Variants in THSD7B observed in about 807,000 individuals in gnomAD.
THSD7B encodes thrombospondin type 1 domain containing 7B.
THSD7B carries 138 observed loss-of-function variants against 213.6 expected under a neutral mutation model. The observed-to-expected ratio is 0.65, with a 90% confidence interval of 0.56 to 0.74. The LOEUF (loss-of-function observed/expected upper bound fraction) is 0.74, where lower values mean the gene tolerates loss of function less well. THSD7B is among the 30% of genes least tolerant of loss of function. The pLI, the probability that THSD7B is intolerant of heterozygous loss-of-function variation, is 0.00. For missense variants in THSD7B, 1,931 were observed against 1,991.5 expected (o/e 0.97, Z 0.58); for synonymous variants, 742 against 687.0 (o/e 1.08, Z -1.25).
intron 2 of THSD7B, among the ~76,000 whole-genome samples, chr2:136,958,499 G>A (rs534448256): frequency 6.6e-6 from 1 of 152,140 alleles, no homozygotes; most frequent in African/African-American, 2.4e-5. Flanking sequence ...TGGGATGATG[G>A]AGCCAAGTCT....
At chr2:137,223,762 T>C (rs556645946) in intron 7 of THSD7B, among the ~76,000 whole-genome samples, 5 of 152,330 alleles carry the variant, frequency 3.3e-5, no homozygotes, top group African/African-American at 9.6e-5. Context: ...AAATCTCATG[T>C]TGAATTGTAA....
intron 2 of THSD7B, among the ~76,000 whole-genome samples, chr2:136,994,263 G>C (rs552990426): frequency 6.6e-6 from 1 of 152,140 alleles, no homozygotes; most frequent in Non-Finnish European, 1.5e-5. Context: ...ATTGTAGCTT[G>C]AAAATCTAAG....
chr2:137,360,877 C>T (rs780854194), intron 12 of THSD7B, among the ~76,000 whole-genome samples: 2 of 152,120 alleles, frequency 1.3e-5, no homozygotes, highest in Admixed American at 6.5e-5. Context: ...CATGTTTGAG[C>T]TCTGAGAATG....
At chr2:137,287,417 G>T (rs1436658301) in intron 12 of THSD7B, among the ~76,000 whole-genome samples, 1 of 152,042 alleles carries the variant, frequency 6.6e-6, no homozygotes, top group Non-Finnish European at 1.5e-5. Flanking sequence ...AACAAAGATT[G>T]CATTTTAATC....
chr2:137,311,178 CG>C, intron 12 of THSD7B, among the ~76,000 whole-genome samples: 1 of 150,566 alleles, frequency 6.6e-6, no homozygotes, highest in African/African-American at 2.4e-5. Flanking sequence ...TCTTTTATTT[CG>C]TTGAGCAGTG....
intron 2 of THSD7B, among the ~76,000 whole-genome samples, chr2:136,898,221 G>T (rs376529569): frequency 2.0e-5 from 3 of 152,178 alleles, no homozygotes; most frequent in Non-Finnish European, 4.4e-5. Context: ...TTCCTTCAGT[G>T]ATGTTTTATA....
At chr2:136,873,548 G>A (rs1051495777) in intron 1 of THSD7B, among the ~76,000 whole-genome samples, 1 of 152,174 alleles carries the variant, frequency 6.6e-6, no homozygotes, top group Admixed American at 6.5e-5. Context: ...TTGGTACAGA[G>A]TGCTTTTTAG....
intron 5 of THSD7B, among the ~76,000 whole-genome samples, chr2:137,151,969 C>G (rs990735155): frequency 2.0e-5 from 3 of 150,714 alleles, no homozygotes; most frequent in Non-Finnish European, 4.4e-5. Flanking sequence ...CCTTTGCACC[C>G]GGTTGCCACT....
chr2:137,329,772 G>T (rs1193407662), intron 12 of THSD7B, among the ~76,000 whole-genome samples: 1 of 152,202 alleles, frequency 6.6e-6, no homozygotes, highest in Non-Finnish European at 1.5e-5. Flanking sequence ...ATTTTCTGGG[G>T]AGAAACTCAA....
At chr2:137,536,034 A>G (rs1680498888) in intron 15 of THSD7B, among the ~76,000 whole-genome samples, 1 of 150,506 alleles carries the variant, frequency 6.6e-6, no homozygotes, top group Non-Finnish European at 1.5e-5. Flanking sequence ...TGAGTATGGA[A>G]ACCACGGGTA....
intron 15 of THSD7B, 60 bp downstream of exon 15, chr2:137,451,083 A>G (rs1207731534): frequency 4.9e-6 from 7 of 1,419,326 alleles, no homozygotes; most frequent in Middle Eastern, 1.9e-4. Context: ...ATTATTTCCC[A>G]TTGAAATTGA....
intron 2 of THSD7B, among the ~76,000 whole-genome samples, chr2:137,031,119 G>A (rs1686657357): frequency 6.6e-6 from 1 of 152,098 alleles, no homozygotes; most frequent in African/African-American, 2.4e-5. Context: ...CAAGGTGGGT[G>A]GATCACTTAA....
At chr2:137,676,328 G>A (rs1367434044) in intron 27 of THSD7B, among the ~76,000 whole-genome samples, 196 bp from the exon 28 acceptor site, 4 of 152,164 alleles carry the variant, frequency 2.6e-5, no homozygotes, top group Non-Finnish European at 5.9e-5. Flanking sequence ...TTTTAAGATT[G>A]TGAAAAATGA....
intron 1 of THSD7B, among the ~76,000 whole-genome samples, chr2:136,861,251 G>A (rs1683255376): frequency 1.3e-5 from 2 of 152,066 alleles, no homozygotes; most frequent in Admixed American, 1.3e-4. Flanking sequence ...CTCATTTTAG[G>A]GTCTCATTAT....
chr2:137,081,438 C>T (rs1687745810), intron 3 of THSD7B, among the ~76,000 whole-genome samples: 1 of 151,920 alleles, frequency 6.6e-6, no homozygotes, highest in Non-Finnish European at 1.5e-5. Flanking sequence ...TTCACTGAAT[C>T]TTGTATGTCA....
In THSD7B at chr2:136,990,049, C is replaced by T. The variant is rs370007539; in HGVS notation, c.140-66371C>T. ...CATTGAATTGGCTAACCTAAAGTGA[C>T]GATGGCTTTAAATCATTGAGTTAGA... is the stretch of plus-strand genomic sequence containing the variant. On this transcript the variant is annotated intron_variant, in intron 2 of 27. Coordinates refer to ENST00000409968, the MANE Select transcript of THSD7B (RefSeq NM_001316349.2). Among the ~76,000 whole-genome samples, 11 of 152,124 alleles carry T rather than the reference C, an allele frequency of 7.2e-5. No individual in the cohort carries two copies. In the East Asian group the frequency reaches 9.6e-4, roughly 13 times the overall value.
intron 18 of THSD7B, 27 bp downstream of exon 18, chr2:137,616,343 G>C: frequency 6.2e-7 from 1 of 1,602,310 alleles, no homozygotes; most frequent in Non-Finnish European, 8.5e-7. Flanking sequence ...TGACCTTGTC[G>C]TTCTCCCTGA....
intron 4 of THSD7B, among the ~76,000 whole-genome samples, chr2:137,111,121 C>T (rs1238932776): frequency 6.6e-6 from 1 of 152,134 alleles, no homozygotes; most frequent in Non-Finnish European, 1.5e-5. Flanking sequence ...GAAATGCATC[C>T]CTAGGTGACC....
chr2:137,666,546 C>G (rs1341173647), intron 26 of THSD7B, among the ~76,000 whole-genome samples: 1 of 147,076 alleles, frequency 6.8e-6, no homozygotes, highest in African/African-American at 2.4e-5. Flanking sequence ...TTCCCCCCCC[C>G]ATAGAAGCTT....
Sources: gnomAD v4.1 joint callset for allele counts (sites outside exome capture counted in the v4.1 genomes callset) on GRCh38, gnomAD v4.1.1 for gene constraint, MANE v1.5 for transcripts, NCBI Gene and HGNC (gene_info 2026-07-23, HGNC 2026-07-21) for gene names.